The following AP1S3 variants were observed in gnomAD, a reference collection of about 807,000 sequenced individuals.
AP1S3 encodes AP-1 complex subunit sigma-3.
Under a neutral mutation model 20.9 loss-of-function variants are expected in AP1S3, and 10 were observed. The observed-to-expected ratio is 0.48, with a 90% CI of 0.29 to 0.81. AP1S3 has a LOEUF of 0.81. Among genes scored for constraint, AP1S3 ranks in the 30% least tolerant of loss-of-function variants. AP1S3 has a pLI of 0.08. For synonymous variants in AP1S3, 41 were observed against 61.5 expected (o/e 0.67, Z 1.56); for missense variants, 154 against 183.8 (o/e 0.84, Z 0.94).
chr2:223,832,145 G>C (rs1414004958), intron 1 of AP1S3, among the ~76,000 whole-genome samples: 1,636 of 77,400 alleles, frequency 0.021, 78 homozygotes, highest in African/African-American at 0.058. Context: ...CTGTGTGTGT[G>C]TGTGTGTGTG....
intron 3 of AP1S3, among the ~76,000 whole-genome samples, chr2:223,770,600 G>A (rs950720662): frequency 6.6e-6 from 1 of 151,818 alleles, no homozygotes; most frequent in African/African-American, 2.4e-5. Flanking sequence ...AGGCATTACA[G>A]AGAATGTTAC....
intron 1 of AP1S3, among the ~76,000 whole-genome samples, chr2:223,821,632 G>A (rs975676346): frequency 7.2e-5 from 11 of 152,090 alleles, no homozygotes; most frequent in Non-Finnish European, 1.0e-4. Flanking sequence ...TGCAAGATTC[G>A]TGAGCAATGC....
chr2:223,820,032 C>T (rs920689940), intron 1 of AP1S3, among the ~76,000 whole-genome samples: 2 of 152,090 alleles, frequency 1.3e-5, no homozygotes, highest in African/African-American at 4.8e-5. Flanking sequence ...TGCAACAATG[C>T]AAATTTTATT....
intron 1 of AP1S3, among the ~76,000 whole-genome samples, chr2:223,780,304 TATATAGAGAGAGAG>T (rs1371327113): frequency 3.5e-4 from 16 of 46,008 alleles, no homozygotes; most frequent in African/African-American, 6.7e-4. Flanking sequence ...TATATATATA[TATATAGAGAGAGAG>T]AGAGAGAGAG....
chr2:223,805,239 G>A (rs540032447), intron 1 of AP1S3, among the ~76,000 whole-genome samples: 1 of 152,298 alleles, frequency 6.6e-6, no homozygotes, highest in South Asian at 2.1e-4. Context: ...AGGAGTTTGA[G>A]AGCAGCCTGG....
intron 1 of AP1S3, among the ~76,000 whole-genome samples, chr2:223,835,911 G>A (rs1692384234): frequency 6.6e-6 from 1 of 152,186 alleles, no homozygotes; most frequent in African/African-American, 2.4e-5. Context: ...AAATTACACT[G>A]GTGGACTGGG....
rs1311520140 is a variant in AP1S3, at chr2:223,755,970, G to T, written c.*2745C>A. ...CAAGAGATACCTTTATCCAAATATG[G>T]TGACAAATTTCAAAAGAACCGGAAA... On this transcript the variant is annotated 3_prime_UTR_variant, in exon 5 of 5. Transcript: ENST00000396654. 1 of 985,330 alleles carries T rather than the reference G, an allele frequency of 1.0e-6. No homozygotes were observed. The highest frequency in any genetic ancestry group is 1.2e-6 in the Non-Finnish European group (1 of 829,942). 61.0% of individuals were successfully genotyped at this position (985,330 alleles called of 1,614,324 possible). A position where few individuals can be genotyped will look rare whatever the true frequency, so the allele number is the denominator to read the frequency against.
intron 4 of AP1S3, among the ~76,000 whole-genome samples, chr2:223,759,642 A>G (rs1020110132): frequency 2.6e-5 from 4 of 152,178 alleles, no homozygotes; most frequent in Non-Finnish European, 5.9e-5. Flanking sequence ...TTAAGTTCAG[A>G]GATACATGTG....
At chr2:223,764,924 A>G (rs1195654485) in intron 4 of AP1S3, among the ~76,000 whole-genome samples, 1 of 152,180 alleles carries the variant, frequency 6.6e-6, no homozygotes, top group African/African-American at 2.4e-5. Flanking sequence ...TCAAATCTCT[A>G]TGCCACACTT....
intron 1 of AP1S3, among the ~76,000 whole-genome samples, chr2:223,809,246 C>T (rs562861316): frequency 7.2e-5 from 11 of 152,320 alleles, no homozygotes; most frequent in African/African-American, 1.9e-4. Flanking sequence ...CTCTTCCCTT[C>T]GCTCACTGGA....
chr2:223,770,497 TACAC>T (rs58486635), intron 3 of AP1S3, among the ~76,000 whole-genome samples: 112 of 141,734 alleles, frequency 7.9e-4, no homozygotes, highest in African/African-American at 2.7e-3. Context: ...AGAGAGACAA[TACAC>T]ACACACACAC....
At chr2:223,779,210 A>G (rs771993095) in intron 1 of AP1S3, among the ~76,000 whole-genome samples, 2 of 152,248 alleles carry the variant, frequency 1.3e-5, no homozygotes, top group South Asian at 2.1e-4. Context: ...AAAGATTTAA[A>G]TAAGCAGAAG....
chr2:223,767,687 A>G (rs1380042168), intron 3 of AP1S3, among the ~76,000 whole-genome samples: 1 of 151,982 alleles, frequency 6.6e-6, no homozygotes, highest in African/African-American at 2.4e-5. Flanking sequence ...CTAACTAGAC[A>G]TCTTTACCTA....
chr2:223,756,484 A>G lies in AP1S3; in HGVS notation c.*2231T>C. The G allele has an allele frequency of 2.1e-6, 2 of 963,470 alleles. No individual in the cohort carries two copies. The highest frequency in any genetic ancestry group is 2.5e-6 in the Non-Finnish European group (2 of 810,642). The allele number at this position is 963,470 out of a possible 1,614,324, so 59.7% of individuals were successfully genotyped here. On this transcript the variant is annotated 3_prime_UTR_variant, in exon 5 of 5. Transcript: ENST00000396654. The stretch of plus-strand genomic sequence containing the variant: ...AAGAAAGAAAAGAAAGAAAGAAAGA[A>G]AAAAAGAAAGAAAAAATTCTAACAC...
intron 1 of AP1S3, among the ~76,000 whole-genome samples, chr2:223,836,132 T>C (rs554683436): frequency 1.6e-4 from 24 of 152,288 alleles, no homozygotes; most frequent in Non-Finnish European, 3.1e-4. Flanking sequence ...TCTTTGTTGA[T>C]CAACTTTCTT....
At position 223,757,478 on chromosome 2, in the gene AP1S3, G is replaced by C. The variant is rs760187364; in HGVS notation, c.*1237C>G. ...AATTTTTGTATTTTTAGTAGAGATGGGGTTTCATCATATTGGCCAGGCTGC... is the reference window on the plus strand; with the variant it reads ...AATTTTTGTATTTTTAGTAGAGATGCGGTTTCATCATATTGGCCAGGCTGC... On this transcript the variant is annotated 3_prime_UTR_variant, in exon 5 of 5. Coordinates refer to ENST00000396654, the MANE Select transcript of AP1S3 (RefSeq NM_001039569.2). 1 of 469,354 alleles carries C rather than the reference G, an allele frequency of 2.1e-6. No individual in the cohort carries two copies. The highest frequency in any genetic ancestry group is 2.8e-6 in the Non-Finnish European group (1 of 359,104). The allele number at this position is 469,354 out of a possible 1,614,324, so 29.1% of individuals were successfully genotyped here.
In AP1S3 at chr2:223,756,339, A is replaced by G. The variant is rs76291086; in HGVS notation, c.*2376T>C. 4.4e-4 allele frequency: 110 copies of G among 250,396 alleles called. No homozygotes were observed. Among genetic ancestry groups the G allele is most frequent in the Non-Finnish European group, 5.6e-4 (95 of 168,710 alleles). 15.5% of individuals were successfully genotyped at this position (250,396 alleles called of 1,614,324 possible). A position where few individuals can be genotyped will look rare whatever the true frequency, so the allele number is the denominator to read the frequency against. On this transcript the variant is annotated 3_prime_UTR_variant, in exon 5 of 5. Coordinates refer to ENST00000396654, the MANE Select transcript of AP1S3 (RefSeq NM_001039569.2). Reference sequence around the variant, plus strand: ...GTGACAAGAAGCGAGGAAAGAAAAGAAAGAAAAGAAAAGAAAAGAGAAAAA... The same window carrying G: ...GTGACAAGAAGCGAGGAAAGAAAAGGAAGAAAAGAAAAGAAAAGAGAAAAA...
intron 1 of AP1S3, 38 bp downstream of exon 1, chr2:223,837,410 C>A: frequency 8.4e-7 from 1 of 1,190,998 alleles, no homozygotes; most frequent in South Asian, 3.7e-5. Context: ...GCGAGCGCCC[C>A]CACCGCCTAC....
chr2:223,781,794 C>T (rs1204898235), intron 1 of AP1S3, among the ~76,000 whole-genome samples: 1 of 152,024 alleles, frequency 6.6e-6, no homozygotes, highest in Non-Finnish European at 1.5e-5. Context: ...GCCTAGTGAA[C>T]AGTTCCATTT....
Sources: allele counts gnomAD v4.1 joint callset (sites outside exome capture counted in the v4.1 genomes callset), GRCh38; gene constraint gnomAD v4.1.1; transcripts MANE v1.5; gene names NCBI Gene and HGNC (gene_info 2026-07-23, HGNC 2026-07-21).